The following ACER3 variants were observed in gnomAD, a reference collection of about 807,000 sequenced individuals.
ACER3 encodes alkaline ceramidase 3.
Under a neutral mutation model 48.9 loss-of-function variants are expected in ACER3, and 16 were observed. The ratio of observed to expected loss-of-function variants is 0.33; its 90% CI spans 0.22 to 0.50. ACER3 has a LOEUF of 0.50. Ranked by LOEUF, ACER3 falls within the 20% of genes least tolerant of loss-of-function variation. The pLI is 0.98. For synonymous variants in ACER3, 109 were observed against 107.8 expected (o/e 1.01, Z -0.07); for missense variants, 227 against 326.0 (o/e 0.70, Z 2.34).
chr11:76,924,823 A>G (rs939934411), intron 1 of ACER3, among the ~76,000 whole-genome samples: 1 of 152,032 alleles, frequency 6.6e-6, no homozygotes, highest in Non-Finnish European at 1.5e-5. Context: ...TAAAAATACA[A>G]AAATTAGCTG....
At chr11:76,987,530 A>T (rs1375516576) in intron 5 of ACER3, among the ~76,000 whole-genome samples, 1 of 152,218 alleles carries the variant, frequency 6.6e-6, no homozygotes, top group African/African-American at 2.4e-5. Flanking sequence ...CATTAATTAC[A>T]TCTGAGGCTT....
At chr11:76,919,553 G>T (rs1298728038) in intron 1 of ACER3, among the ~76,000 whole-genome samples, 2 of 152,096 alleles carry the variant, frequency 1.3e-5, no homozygotes, top group African/African-American at 4.8e-5. Context: ...ATCAAAATAA[G>T]ACTTTCCTTC....
chr11:76,922,339 G>T (rs1946706547), intron 1 of ACER3, among the ~76,000 whole-genome samples: 1 of 152,066 alleles, frequency 6.6e-6, no homozygotes, highest in Admixed American at 6.5e-5. Flanking sequence ...AATACTACCT[G>T]TACGTTTGGG....
chr11:76,953,069 A>G (rs1453013083), intron 2 of ACER3, among the ~76,000 whole-genome samples: 1 of 152,124 alleles, frequency 6.6e-6, no homozygotes, highest in Non-Finnish European at 1.5e-5. Flanking sequence ...CAGAGTGAGC[A>G]CAGGATGAGC....
chr11:76,935,034 G>T (rs1947136898), intron 2 of ACER3, among the ~76,000 whole-genome samples: 1 of 152,034 alleles, frequency 6.6e-6, no homozygotes, highest in South Asian at 2.1e-4. Context: ...AACAGAAATA[G>T]CTCAATTCCT....
chr11:76,931,726 G>A (rs1424969295), intron 2 of ACER3, among the ~76,000 whole-genome samples: 2 of 151,908 alleles, frequency 1.3e-5, no homozygotes, highest in African/African-American at 2.4e-5. Context: ...CACTTATGAA[G>A]CTTAGTTTGG....
intron 5 of ACER3, among the ~76,000 whole-genome samples, 196 bp downstream of exon 5, chr11:76,985,920 T>C (rs1948676998): frequency 6.6e-6 from 1 of 152,262 alleles, no homozygotes; most frequent in African/African-American, 2.4e-5. Flanking sequence ...GAAATACTTT[T>C]AAAAATCTGT....
chr11:76,901,258 TTGTCCAACA>T (rs1372753498), intron 1 of ACER3, among the ~76,000 whole-genome samples: 3 of 131,528 alleles, frequency 2.3e-5, no homozygotes, highest in Non-Finnish European at 5.2e-5. Context: ...TTGTCCAACA[TTGTCCAACA>T]TTTAAAAAAA....
intron 6 of ACER3, among the ~76,000 whole-genome samples, chr11:76,997,077 AT>A (rs1948929508): frequency 6.6e-6 from 1 of 152,168 alleles, no homozygotes; most frequent in African/African-American, 2.4e-5. Context: ...GAAAGGCCAG[AT>A]TTGACCTCTG....
intron 1 of ACER3, among the ~76,000 whole-genome samples, chr11:76,875,107 C>CTTTTTTTTTTTTTTTTTTTTTTTTTTTT (rs10676364): frequency 7.7e-5 from 6 of 78,094 alleles, no homozygotes; most frequent in African/African-American, 2.2e-4. Flanking sequence ...AAAAGCACTT[C>CTTTTTTTTTTTTTTTTTTTTTTTTTTTT]TTTTTTTTTT....
chr11:76,872,947 T>C (rs1481012600), intron 1 of ACER3, among the ~76,000 whole-genome samples: 1 of 141,936 alleles, frequency 7.0e-6, no homozygotes, highest in Non-Finnish European at 1.5e-5. Flanking sequence ...GGTCTCATGC[T>C]GTTGCCCAGG....
intron 6 of ACER3, among the ~76,000 whole-genome samples, chr11:76,996,977 T>G (rs1387380648): frequency 6.7e-6 from 1 of 149,404 alleles, no homozygotes; most frequent in Non-Finnish European, 1.5e-5. Flanking sequence ...CCGCCTGCCT[T>G]GGGCTCCCAA....
At chr11:76,901,548 G>T (rs1470949182) in intron 1 of ACER3, among the ~76,000 whole-genome samples, 1 of 152,138 alleles carries the variant, frequency 6.6e-6, no homozygotes, top group Non-Finnish European at 1.5e-5. Flanking sequence ...CTCAGACACC[G>T]AGTTAAAGAA....
chr11:76,954,527 T>A (rs766309660), intron 2 of ACER3, among the ~76,000 whole-genome samples: 15 of 152,172 alleles, frequency 9.9e-5, no homozygotes, highest in Non-Finnish European at 2.1e-4. Flanking sequence ...CATTATTCTT[T>A]GCATTGATTC....
chr11:76,925,339 A>G (rs1946801378), intron 1 of ACER3, among the ~76,000 whole-genome samples: 1 of 152,200 alleles, frequency 6.6e-6, no homozygotes, highest in South Asian at 2.1e-4. Flanking sequence ...GTAAATATAT[A>G]TGGTTATTCA....
intron 6 of ACER3, 41 bp downstream of exon 6, chr11:76,990,615 T>G (rs1948781587): frequency 8.3e-7 from 1 of 1,197,690 alleles, no homozygotes; most frequent in Non-Finnish European, 1.2e-6. Flanking sequence ...TTGTTTACGA[T>G]ACATGGCTGC....
intron 2 of ACER3, among the ~76,000 whole-genome samples, chr11:76,934,309 C>G (rs1373137534): frequency 6.6e-6 from 1 of 152,234 alleles, no homozygotes; most frequent in Non-Finnish European, 1.5e-5. Flanking sequence ...AGGCTGCAAT[C>G]TCGGCACTTT....
At chr11:76,887,340 G>A (rs1392221425) in intron 1 of ACER3, among the ~76,000 whole-genome samples, 1 of 152,130 alleles carries the variant, frequency 6.6e-6, no homozygotes, top group Non-Finnish European at 1.5e-5. Flanking sequence ...ACTAAAGATA[G>A]ATTGGTTTTA....
At chr11:76,861,160 A>G in intron 1 of ACER3, 81 bp downstream of exon 1, 3 of 1,366,926 alleles carry the variant, frequency 2.2e-6, no homozygotes, top group Non-Finnish European at 2.0e-6. Context: ...CAAAGAGCGA[A>G]CCTGGCCGCG....
Sources: allele counts gnomAD v4.1 joint callset (sites outside exome capture counted in the v4.1 genomes callset), GRCh38; gene constraint gnomAD v4.1.1; transcripts MANE v1.5; gene names NCBI Gene and HGNC (gene_info 2026-07-23, HGNC 2026-07-21).